SYT9: variants seen among roughly 807,000 people sequenced by gnomAD.
The protein encoded by SYT9 is synaptotagmin-9.
SYT9 carries 22 observed loss-of-function variants against 48.4 expected under a neutral mutation model. That is an observed-to-expected ratio of 0.45 (90% confidence interval 0.32 to 0.65). The LOEUF (loss-of-function observed/expected upper bound fraction) is 0.65, where lower values mean the gene tolerates loss of function less well. Among genes scored for constraint, SYT9 ranks in the 30% least tolerant of loss-of-function variants. The pLI, the probability that SYT9 is intolerant of heterozygous loss-of-function variation, is 0.03. For synonymous variants in SYT9, 265 were observed against 245.0 expected (o/e 1.08, Z -0.76); for missense variants, 577 against 622.0 (o/e 0.93, Z 0.77).
intron 3 of SYT9, among the ~76,000 whole-genome samples, chr11:7,355,998 T>C (rs575047569): frequency 2.4e-4 from 36 of 152,344 alleles, no homozygotes; most frequent in Non-Finnish European, 4.3e-4. Flanking sequence ...TGAATCTAAT[T>C]GGTCACACTC....
At chr11:7,365,063 C>T (rs1228441392) in intron 3 of SYT9, among the ~76,000 whole-genome samples, 1 of 152,064 alleles carries the variant, frequency 6.6e-6, no homozygotes, top group Admixed American at 6.6e-5. Flanking sequence ...CTCCCAGGCC[C>T]ACCCCGCACA....
chr11:7,355,920 T>G (rs1850013120), intron 3 of SYT9, among the ~76,000 whole-genome samples: 1 of 152,238 alleles, frequency 6.6e-6, no homozygotes, highest in Non-Finnish European at 1.5e-5. Context: ...CTGATTGTCT[T>G]GTGTCTACCA....
rs1268460128 is a variant in SYT9, at chr11:7,407,468, C to T, written c.1045-8574C>T. Among the ~76,000 whole-genome samples the T allele has an allele frequency of 5.0e-5, 3 of 60,446 alleles. 1 individual carries two copies. Among genetic ancestry groups the T allele is most frequent in the Admixed American group, 1.2e-4 (1 of 8,634 alleles). The allele number at this position is 60,446 out of a possible 152,430, so 39.7% of individuals were successfully genotyped here. A position where few individuals can be genotyped will look rare whatever the true frequency, so the allele number is the denominator to read the frequency against. ...CAATCTCGGCTCACTGCAAGCTCCG[C>T]TTCCCGGGTTCACGCCATTCTCCTG... On this transcript the variant is annotated intron_variant, in intron 3 of 6. Coordinates refer to ENST00000318881, the MANE Select transcript of SYT9 (RefSeq NM_175733.4).
At chr11:7,431,649 C>G (rs1032298870) in intron 6 of SYT9, among the ~76,000 whole-genome samples, 8 of 152,214 alleles carry the variant, frequency 5.3e-5, no homozygotes, top group Non-Finnish European at 1.0e-4. Context: ...GTTTTGTGGG[C>G]CAGGACCAGG....
At chr11:7,442,610 C>G (rs1369994634) in intron 6 of SYT9, among the ~76,000 whole-genome samples, 1 of 152,194 alleles carries the variant, frequency 6.6e-6, no homozygotes, top group African/African-American at 2.4e-5. Context: ...TCCTTTATGA[C>G]ACTGGGCTTC....
chr11:7,387,817 G>C (rs1347953794), intron 3 of SYT9, among the ~76,000 whole-genome samples: 1 of 152,062 alleles, frequency 6.6e-6, no homozygotes, highest in African/African-American at 2.4e-5. Flanking sequence ...GGGCAGTTAA[G>C]TTGTTTAAAT....
chr11:7,362,142 ATT>A (rs59675647), intron 3 of SYT9, among the ~76,000 whole-genome samples: 3 of 138,272 alleles, frequency 2.2e-5, no homozygotes, highest in East Asian at 4.2e-4. Context: ...ATTTTATTTT[ATT>A]TTTTTTTTAT....
At position 7,264,419 on chromosome 11, in the gene SYT9, G is replaced by A. The variant is rs577858313; in HGVS notation, c.145+12088G>A. ...AGAGGGAAGTTTGTGTTTAAGCCGGGGTTGTGTGTATGAGAACAAGGAAAG... is the reference window on the plus strand; with the variant it reads ...AGAGGGAAGTTTGTGTTTAAGCCGGAGTTGTGTGTATGAGAACAAGGAAAG... On this transcript the variant is annotated intron_variant, in intron 1 of 6. Transcript: ENST00000318881. Among the ~76,000 whole-genome samples the A allele has an allele frequency of 9.9e-5, 15 of 152,178 alleles. No homozygotes were observed. In the East Asian group the frequency reaches 2.7e-3, roughly 27 times the overall value.
At chr11:7,436,969 G>T (rs1450761102) in intron 6 of SYT9, among the ~76,000 whole-genome samples, 2 of 152,190 alleles carry the variant, frequency 1.3e-5, no homozygotes, top group African/African-American at 4.8e-5. Context: ...ACTGTGTGAG[G>T]ATGATTAAAT....
chr11:7,331,425 A>C (rs1337780735), intron 3 of SYT9, among the ~76,000 whole-genome samples: 1 of 151,996 alleles, frequency 6.6e-6, no homozygotes, highest in Non-Finnish European at 1.5e-5. Flanking sequence ...GTAAGAAATC[A>C]CACACACATT....
intron 1 of SYT9, among the ~76,000 whole-genome samples, chr11:7,246,150 G>A (rs1464904309): frequency 3.9e-5 from 6 of 152,016 alleles, no homozygotes; most frequent in Non-Finnish European, 8.8e-5. Flanking sequence ...CCTAACCAGG[G>A]CACCAGGGAA....
At chr11:7,260,540 G>T (rs997664657) in intron 1 of SYT9, among the ~76,000 whole-genome samples, 1 of 152,198 alleles carries the variant, frequency 6.6e-6, no homozygotes, top group Non-Finnish European at 1.5e-5. Context: ...AGGACTAACT[G>T]GAGCACTCTG....
chr11:7,439,901 T>A (rs1265716087), intron 6 of SYT9: 1 of 152,214 alleles, frequency 6.6e-6, no homozygotes, highest in East Asian at 1.9e-4. Flanking sequence ...ACTTATGACA[T>A]GGCCTGGCAC....
intron 6 of SYT9, among the ~76,000 whole-genome samples, chr11:7,464,670 A>G (rs909781852): frequency 2.0e-5 from 3 of 152,150 alleles, no homozygotes; most frequent in Admixed American, 6.5e-5. Context: ...CCTGTTAACA[A>G]TTTGCTTTCT....
At chr11:7,459,922 C>T (rs1041917049) in intron 6 of SYT9, among the ~76,000 whole-genome samples, 10 of 152,308 alleles carry the variant, frequency 6.6e-5, no homozygotes, top group African/African-American at 2.4e-4. Flanking sequence ...GGTACCTTGA[C>T]TTCAGACTTC....
At chr11:7,465,522 C>T (rs1236351635) in intron 6 of SYT9, among the ~76,000 whole-genome samples, 5 of 152,152 alleles carry the variant, frequency 3.3e-5, no homozygotes, top group Non-Finnish European at 7.3e-5. Flanking sequence ...CTGGAAGGTG[C>T]CCTGAGTTTA....
At chr11:7,376,720 C>T (rs1850461852) in intron 3 of SYT9, among the ~76,000 whole-genome samples, 1 of 151,966 alleles carries the variant, frequency 6.6e-6, no homozygotes, top group African/African-American at 2.4e-5. Context: ...TGCTACATCC[C>T]GGGAATTGAA....
At chr11:7,298,467 G>C (rs1848852544) in intron 1 of SYT9, among the ~76,000 whole-genome samples, 1 of 152,104 alleles carries the variant, frequency 6.6e-6, no homozygotes, top group Non-Finnish European at 1.5e-5. Flanking sequence ...TGATGGCTCA[G>C]CTTGGTTACC....
At chr11:7,441,361 A>AAGACAAAGATGTTTCTTT (rs1847826655) in intron 6 of SYT9, 7 of 152,248 alleles carry the variant, frequency 4.6e-5, no homozygotes, top group African/African-American at 1.7e-4. Flanking sequence ...GTTTCCTGGA[A>AAGACAAAGATGTTTCTTT]GTCTTCTTTG....
Sources: gnomAD v4.1 joint callset for allele counts (sites outside exome capture counted in the v4.1 genomes callset) on GRCh38, gnomAD v4.1.1 for gene constraint, MANE v1.5 for transcripts, NCBI Gene and HGNC (gene_info 2026-07-23, HGNC 2026-07-21) for gene names.